The following SRRM5 variants were observed in gnomAD, a reference collection of about 807,000 sequenced individuals.
SRRM5 encodes the protein serine/arginine repetitive matrix protein 5.
SRRM5 carries 1 observed loss-of-function variant against 1.3 expected under a neutral mutation model. The ratio of observed to expected loss-of-function variants is 0.76; its 90% CI spans 0.27 to 3.59. SRRM5 has a LOEUF of 3.59. SRRM5 is among the 30% of genes most tolerant of loss of function. The pLI is 0.19. For synonymous variants in SRRM5, 275 were observed against 320.2 expected (o/e 0.86, Z 1.51); for missense variants, 875 against 914.5 (o/e 0.96, Z 0.56).
Position 43,612,408 on chromosome 19 carries a change from C to A in SRRM5, c.287C>A (p.Thr96Asn). The A allele has an allele frequency of 1.3e-6, 2 of 1,551,644 alleles. No individual in the cohort carries two copies. The highest frequency in any genetic ancestry group is 1.7e-6 in the Non-Finnish European group (2 of 1,146,986). Reference protein sequence around the residue: ...SKARTPSRVSTDTRTSKASKA... With the variant: ...SKARTPSRVSNDTRTSKASKA... ...GCAAGAACACCCAGCAGGGTGAGCA[C>A]CGACACCAGGACCAGCAAAGCCAGC... Residue 96 changes from threonine to asparagine, a missense_variant, in exon 1 of 1, where the codon ACC becomes AAC. Transcript: ENST00000417606. The surrounding 1 kb of genome is among the most constrained non-coding windows in gnomAD (Gnocchi z 4.2).
chr19:43,613,155 G>C lies in SRRM5; in HGVS notation c.1034G>C (p.Arg345Thr), dbSNP rs1363425612. The C allele has an allele frequency of 1.3e-6, 2 of 1,551,554 alleles. No homozygotes were observed. Among genetic ancestry groups the C allele is most frequent in the Non-Finnish European group, 1.7e-6 (2 of 1,146,996 alleles). The change falls in exon 1 of 1, where the codon AGA (arginine) becomes ACA (threonine). Residue 345 changes from arginine to threonine, a missense_variant. Arg to Thr is a moderately conservative substitution (Grantham distance 71, BLOSUM62 -1). Transcript: ENST00000417606. ...HSKGKSQNQSRTPRRGRSHNW... is the reference protein window; with the variant it reads ...HSKGKSQNQSTTPRRGRSHNW... Reference sequence around the variant, plus strand: ...AAGGGGAAAAGTCAAAACCAATCTAGAACCCCCAGAAGAGGAAGAAGTCAC... The same window carrying C: ...AAGGGGAAAAGTCAAAACCAATCTACAACCCCCAGAAGAGGAAGAAGTCAC...
Position 43,612,199 on chromosome 19 carries a change from C to T in SRRM5, c.78C>T (p.Pro26=), listed in dbSNP as rs1282880864. The T allele has an allele frequency of 1.3e-6, 2 of 1,551,722 alleles. No homozygotes were observed. The highest frequency in any genetic ancestry group is 2.0e-5 in the Admixed American group (1 of 50,996). Residue 26 remains proline, a synonymous_variant, in exon 1 of 1, where the codon CCC becomes CCT. Transcript: ENST00000417606. The surrounding 1 kb of genome is among the most constrained non-coding windows in gnomAD (Gnocchi z 4.2). ...PSGSSMPTAD[P]KPPASLKSTK... The stretch of plus-strand genomic sequence containing the variant: ...GATCCTCCATGCCCACTGCGGATCC[C>T]AAGCCTCCTGCCTCCTTGAAGTCCA...
chr19:43,612,915 G>A lies in SRRM5; in HGVS notation c.794G>A (p.Arg265Lys). The A allele has an allele frequency of 3.2e-6, 5 of 1,551,706 alleles. No homozygotes were observed. Among genetic ancestry groups the A allele is most frequent in the Non-Finnish European group, 4.4e-6 (5 of 1,146,988 alleles). The change falls in exon 1 of 1, where the codon AGG becomes AAG. Residue 265 changes from arginine to lysine, a missense_variant. Arg to Lys is a conservative substitution (Grantham distance 26, BLOSUM62 2). Coordinates refer to ENST00000417606, the MANE Select transcript of SRRM5 (RefSeq NM_001145641.2). The surrounding 1 kb of genome is among the most constrained non-coding windows in gnomAD (Gnocchi z 4.2). ...KSYSPTEMSS[R>K]VKSYNQASTR... Reference sequence around the variant, plus strand: ...TACAGCCCCACTGAAATGTCCAGCAGGGTCAAGAGTTATAACCAGGCCAGC... The same window carrying A: ...TACAGCCCCACTGAAATGTCCAGCAAGGTCAAGAGTTATAACCAGGCCAGC...
At position 43,614,146 on chromosome 19, in the gene SRRM5, C is replaced by T. The variant is rs1307016964; in HGVS notation, c.2025C>T (p.Ser675=). Residue 675 remains serine (S), a synonymous_variant, in exon 1 of 1, where the codon TCC becomes TCT. Transcript: ENST00000417606. Reference sequence around the variant, plus strand: ...CCCCTAGCAAGACAAGCAGCCACTCCCCATCAACATTTCCCAGTGGGGGCC... The same window carrying T: ...CCCCTAGCAAGACAAGCAGCCACTCTCCATCAACATTTCCCAGTGGGGGCC... The part of the protein sequence containing the change: ...NRTPSKTSSH[S]PSTFPSGGQT... 6.2e-7 allele frequency: 1 copy of T among 1,613,418 alleles called. No individual in the cohort carries two copies. Among genetic ancestry groups the T allele is most frequent in the Non-Finnish European group, 8.5e-7 (1 of 1,179,644 alleles).
In SRRM5 at chr19:43,612,633, A is replaced by G. The variant is rs1200509271; in HGVS notation, c.512A>G (p.Lys171Arg). Residue 171 changes from lysine to arginine, a missense_variant, in exon 1 of 1, where the codon AAG becomes AGG. Coordinates refer to ENST00000417606, the MANE Select transcript of SRRM5 (RefSeq NM_001145641.2). This position sits in a 1 kb window ranked among gnomAD's most constrained non-coding sequence, Gnocchi z 4.2. The part of the protein sequence containing the change: ...PTSQQKGSRG[K>R]SYGRPRTSNR... ...TCACAGCAAAAAGGGAGCCGGGGAAAGAGTTACGGCCGGCCTAGAACCAGC... is the reference window on the plus strand; with the variant it reads ...TCACAGCAAAAAGGGAGCCGGGGAAGGAGTTACGGCCGGCCTAGAACCAGC... 1.9e-5 allele frequency: 30 copies of G among 1,551,412 alleles called. No homozygotes were observed. The highest frequency in any genetic ancestry group is 2.6e-5 in the Non-Finnish European group (30 of 1,146,976).
Position 43,613,205 on chromosome 19 carries a change from G to A in SRRM5, c.1084G>A (p.Glu362Lys), listed in dbSNP as rs1365140275. Residue 362 changes from glutamate to lysine, a missense_variant, in exon 1 of 1, where the codon GAA becomes AAA. Coordinates refer to ENST00000417606, the MANE Select transcript of SRRM5 (RefSeq NM_001145641.2). ...CAACTGGTCTAGAAACCCCAGCAAG[G>A]AAAGAAGTCATAGCCATTCCAGAAG... is the stretch of plus-strand genomic sequence containing the variant. ...SHNWSRNPSK[E>K]RSHSHSRSSS... 1.9e-6 allele frequency: 3 copies of A among 1,551,668 alleles called. No homozygotes were observed. The highest frequency in any genetic ancestry group is 2.6e-6 in the Non-Finnish European group (3 of 1,146,994).
rs1255451410 is a variant in SRRM5 at position 43,612,990 on chromosome 19, CAAG to C, written c.873_875del (p.Arg291del). 11 of 1,551,432 alleles carry C rather than the reference CAAG, an allele frequency of 7.1e-6. No individual in the cohort carries two copies. In the Admixed American group the frequency reaches 2.2e-4, roughly 30 times the overall value. On this transcript the variant is annotated inframe_deletion, in exon 1 of 1. Coordinates refer to ENST00000417606, the MANE Select transcript of SRRM5 (RefSeq NM_001145641.2). The surrounding 1 kb of genome is among the most constrained non-coding windows in gnomAD (Gnocchi z 4.2). ...AGCCAATCTAGAAGCCCCAGAAGGTCAAGAAGTGGCAGTCAGAAGAGGACGCAC... is the reference window on the plus strand; with the variant it reads ...AGCCAATCTAGAAGCCCCAGAAGGTCAAGTGGCAGTCAGAAGAGGACGCAC...
At position 43,612,093 on chromosome 19, in the gene SRRM5, C is replaced by T. The variant is rs1422602869; in HGVS notation, c.-29C>T. On this transcript the variant is annotated 5_prime_UTR_variant, in exon 1 of 1. Transcript: ENST00000417606. The surrounding 1 kb of genome is among the most constrained non-coding windows in gnomAD (Gnocchi z 4.2). ...AGGTGTTTCATGTCTACTGTGACTT[C>T]CAGGACCACAAGCCCTTTTGCGCCC... 2 of 1,513,970 alleles carry T rather than the reference C, an allele frequency of 1.3e-6. No homozygotes were observed. Among genetic ancestry groups the T allele is most frequent in the East Asian group, 2.5e-5 (1 of 40,708 alleles). 93.8% of individuals were successfully genotyped at this position (1,513,970 alleles called of 1,614,324 possible).
chr19:43,613,314 A>G lies in SRRM5; in HGVS notation c.1193A>G (p.Gln398Arg). The change falls in exon 1 of 1, where the codon CAG (glutamine) becomes CGG (arginine). Residue 398 changes from glutamine to arginine, a missense_variant. By Grantham distance (43) the Gln-to-Arg change is conservative. Transcript: ENST00000417606. ...GRSQSGSPNK[Q>R]RDHSRSRSPN... is the part of the protein sequence containing the mutation. ...AGTCAATCAGGAAGCCCCAACAAGCAGAGAGATCACAGCCGATCTAGAAGT... is the reference window on the plus strand; with the variant it reads ...AGTCAATCAGGAAGCCCCAACAAGCGGAGAGATCACAGCCGATCTAGAAGT... 6.4e-7 allele frequency: 1 copy of G among 1,551,500 alleles called. No individual in the cohort carries two copies. The highest frequency in any genetic ancestry group is 8.7e-7 in the Non-Finnish European group (1 of 1,146,974).
chr19:43,612,131 C>T lies in SRRM5; in HGVS notation c.10C>T (p.Pro4Ser). The T allele has an allele frequency of 1.3e-6, 2 of 1,551,516 alleles. No homozygotes were observed. The highest frequency in any genetic ancestry group is 1.2e-5 in the South Asian group (1 of 84,060). ...CCCTTTTGCGCCCACCATGTCTTCA[C>T]CTAAGAGATCTTCAAAGCCCAGTAT... is the stretch of plus-strand genomic sequence containing the variant. Reference protein sequence around the residue: MSSPKRSSKPSMSL... With the variant: MSSSKRSSKPSMSL... The change falls in exon 1 of 1, where the codon CCT (proline) becomes TCT (serine). Residue 4 changes from proline to serine, a missense_variant. Transcript: ENST00000417606. This position sits in a 1 kb window ranked among gnomAD's most constrained non-coding sequence, Gnocchi z 4.2.
rs992097537 is a variant in SRRM5 at position 43,613,718 on chromosome 19, C to T, written c.1597C>T (p.Arg533Cys). 1.5e-5 allele frequency: 23 copies of T among 1,551,040 alleles called. No individual in the cohort carries two copies. The highest frequency in any genetic ancestry group is 3.6e-5 in the South Asian group (3 of 84,032). Residue 533 changes from arginine (R) to cysteine (C), a missense_variant, in exon 1 of 1, where the codon CGC becomes TGC. Transcript: ENST00000417606. ...TAGAAGCCCCAGCAAGGAGAGACAG[C>T]GCAGACAATCTAGAAGCCCCAACAA... is the stretch of plus-strand genomic sequence containing the variant. The part of the protein sequence containing the change: ...RSRSPSKERQ[R>C]RQSRSPNKER...
Position 43,614,324 on chromosome 19 carries a change from A to T in SRRM5, c.*55A>T. On this transcript the variant is annotated 3_prime_UTR_variant, in exon 1 of 1. Coordinates refer to ENST00000417606, the MANE Select transcript of SRRM5 (RefSeq NM_001145641.2). ...TGTCATGACCGGGGGAGGGGACAGG[A>T]GACAGGAGCAGAGCAGCAGCTGAGC... is the stretch of plus-strand genomic sequence containing the variant. The T allele has an allele frequency of 6.3e-7, 1 of 1,586,354 alleles. No homozygotes were observed. Among genetic ancestry groups the T allele is most frequent in the Non-Finnish European group, 8.6e-7 (1 of 1,166,662 alleles).
In SRRM5 at chr19:43,612,923, A is replaced by T; in HGVS notation, c.802A>T (p.Ser268Cys). 1 of 1,551,704 alleles carries T rather than the reference A, an allele frequency of 6.4e-7. No individual in the cohort carries two copies. Among genetic ancestry groups the T allele is most frequent in the Non-Finnish European group, 8.7e-7 (1 of 1,146,972 alleles). The stretch of plus-strand genomic sequence containing the variant: ...CACTGAAATGTCCAGCAGGGTCAAG[A>T]GTTATAACCAGGCCAGCACCCGCAG... ...SPTEMSSRVK[S>C]YNQASTRSRP... The change falls in exon 1 of 1, where the codon AGT (serine) becomes TGT (cysteine). Residue 268 changes from serine to cysteine, a missense_variant. Physicochemically the swap from Ser to Cys is moderately radical, Grantham distance 112. Coordinates refer to ENST00000417606, the MANE Select transcript of SRRM5 (RefSeq NM_001145641.2). This position sits in a 1 kb window ranked among gnomAD's most constrained non-coding sequence, Gnocchi z 4.2.
Position 43,612,448 on chromosome 19 carries a change from G to A in SRRM5, c.327G>A (p.Val109=). 1 of 1,551,488 alleles carries A rather than the reference G, an allele frequency of 6.4e-7. No individual in the cohort carries two copies. Among genetic ancestry groups the A allele is most frequent in the Non-Finnish European group, 8.7e-7 (1 of 1,146,952 alleles). ...GCAAAGCCAGCAAGGCCAGCGACGT[G>A]AGATGCCACCAGCGGAGGGGCACAC... ...RTSKASKASD[V]RCHQRRGTHS... Residue 109 remains valine, a synonymous_variant, in exon 1 of 1, where the codon GTG becomes GTA. Coordinates refer to ENST00000417606, the MANE Select transcript of SRRM5 (RefSeq NM_001145641.2). The surrounding 1 kb of genome is among the most constrained non-coding windows in gnomAD (Gnocchi z 4.2).
Position 43,613,570 on chromosome 19 carries a change from A to G in SRRM5, c.1449A>G (p.Arg483=), listed in dbSNP as rs1385723539. Residue 483 remains arginine (R), a synonymous_variant, in exon 1 of 1, where the codon AGA becomes AGG. Coordinates refer to ENST00000417606, the MANE Select transcript of SRRM5 (RefSeq NM_001145641.2). The stretch of plus-strand genomic sequence containing the variant: ...GATCTAGAAGCCCCAGCAAGGAAAG[A>G]GATCACAGCCAACTTGGAAGCCCCA... ...RSRSRSPSKE[R]DHSQLGSPSK... is the part of the protein sequence containing the mutation. 6.4e-7 allele frequency: 1 copy of G among 1,551,640 alleles called. No homozygotes were observed. The highest frequency in any genetic ancestry group is 8.7e-7 in the Non-Finnish European group (1 of 1,146,932).
In SRRM5 at chr19:43,612,446, G is replaced by A. The variant is rs748384521; in HGVS notation, c.325G>A (p.Val109Met). ...CAGCAAAGCCAGCAAGGCCAGCGACGTGAGATGCCACCAGCGGAGGGGCAC... is the reference window on the plus strand; with the variant it reads ...CAGCAAAGCCAGCAAGGCCAGCGACATGAGATGCCACCAGCGGAGGGGCAC... ...RTSKASKASDVRCHQRRGTHS... is the reference protein window; with the variant it reads ...RTSKASKASDMRCHQRRGTHS... The change falls in exon 1 of 1, where the codon GTG becomes ATG. Residue 109 changes from valine to methionine, a missense_variant. Transcript: ENST00000417606. This position sits in a 1 kb window ranked among gnomAD's most constrained non-coding sequence, Gnocchi z 4.2. 15 of 1,551,254 alleles carry A rather than the reference G, an allele frequency of 9.7e-6. No homozygotes were observed. The highest frequency in any genetic ancestry group is 1.7e-4 in the Middle Eastern group (1 of 6,014).
In SRRM5 at chr19:43,612,168, C is replaced by T. The variant is rs1973304517; in HGVS notation, c.47C>T (p.Pro16Leu). 2 of 1,551,600 alleles carry T rather than the reference C, an allele frequency of 1.3e-6. No individual in the cohort carries two copies. The highest frequency in any genetic ancestry group is 4.9e-5 in the East Asian group (2 of 40,934). Residue 16 changes from proline (P) to leucine (L), a missense_variant, in exon 1 of 1, where the codon CCC becomes CTC. Physicochemically the swap from Pro to Leu is moderately conservative, Grantham distance 98. Coordinates refer to ENST00000417606, the MANE Select transcript of SRRM5 (RefSeq NM_001145641.2). This position sits in a 1 kb window ranked among gnomAD's most constrained non-coding sequence, Gnocchi z 4.2. Reference sequence around the variant, plus strand: ...TCAAAGCCCAGTATGTCTCTGGCACCCAGTGGATCCTCCATGCCCACTGCG... The same window carrying T: ...TCAAAGCCCAGTATGTCTCTGGCACTCAGTGGATCCTCCATGCCCACTGCG... ...RSSKPSMSLA[P>L]SGSSMPTADP...
chr19:43,613,905 G>A lies in SRRM5; in HGVS notation c.1784G>A (p.Arg595Gln), dbSNP rs759791111. ...RSSSEERDHS[R>Q]SRSPNKQSGY... ...TCCAGCGAGGAGAGAGATCACAGCC[G>A]ATCTAGAAGCCCCAATAAGCAGAGT... The change falls in exon 1 of 1, where the codon CGA (arginine) becomes CAA (glutamine). Residue 595 changes from arginine (R) to glutamine (Q), a missense_variant. By Grantham distance (43) the Arg-to-Gln change is conservative. Coordinates refer to ENST00000417606, the MANE Select transcript of SRRM5 (RefSeq NM_001145641.2). 71 of 1,551,538 alleles carry A rather than the reference G, an allele frequency of 4.6e-5. No individual in the cohort carries two copies. Among genetic ancestry groups the A allele is most frequent in the African/African-American group, 4.1e-4 (30 of 73,086 alleles).
In SRRM5 at chr19:43,612,353, C is replaced by G; in HGVS notation, c.232C>G (p.Pro78Ala). The G allele has an allele frequency of 1.3e-6, 2 of 1,551,682 alleles. No individual in the cohort carries two copies. Among genetic ancestry groups the G allele is most frequent in the South Asian group, 1.2e-5 (1 of 84,054 alleles). ...TSTKRAPSNR[P>A]SSRSRVRSKA... Reference sequence around the variant, plus strand: ...TACAAAAAGAGCCCCTTCTAACCGGCCCAGCAGCAGGTCCCGAGTCCGCAG... The same window carrying G: ...TACAAAAAGAGCCCCTTCTAACCGGGCCAGCAGCAGGTCCCGAGTCCGCAG... The change falls in exon 1 of 1, where the codon CCC (proline) becomes GCC (alanine). Residue 78 changes from proline (P) to alanine (A), a missense_variant. Transcript: ENST00000417606. The surrounding 1 kb of genome is among the most constrained non-coding windows in gnomAD (Gnocchi z 4.2).
Sources: gnomAD v4.1 joint callset for allele counts on GRCh38, gnomAD v4.1.1 for gene constraint, Gnocchi (gnomAD v3.1) non-coding constraint, MANE v1.5 for transcripts, NCBI Gene and HGNC (gene_info 2026-07-23, HGNC 2026-07-21) for gene names.